MBNL1: variants seen among roughly 807,000 people sequenced by gnomAD.
MBNL1 encodes the protein muscleblind like splicing regulator 1.
Under a neutral mutation model 42.2 loss-of-function variants are expected in MBNL1, and 8 were observed. The observed-to-expected ratio is 0.19, with a 90% CI of 0.11 to 0.34. The LOEUF (loss-of-function observed/expected upper bound fraction) is 0.34, where lower values mean the gene tolerates loss of function less well. Among genes scored for constraint, MBNL1 ranks in the 10% least tolerant of loss-of-function variants. The pLI, the probability that MBNL1 is intolerant of heterozygous loss-of-function variation, is 1.00. For missense variants in MBNL1, 309 were observed against 495.3 expected, an observed-to-expected ratio of 0.62 and a Z score of 3.57; for synonymous variants, 169 against 173.9, an observed-to-expected ratio of 0.97 and a Z score of 0.22.
chr3:152,304,890 T>C (rs1351403297), intron 2 of MBNL1, among the ~76,000 whole-genome samples: 1 of 152,224 alleles, frequency 6.6e-6, no homozygotes, highest in African/African-American at 2.4e-5. Flanking sequence ...CTTTTTTTTA[T>C]GAGTAAAGGT....
At chr3:152,260,666 G>C (rs185246256) in intron 2 of MBNL1, among the ~76,000 whole-genome samples, 4 of 152,304 alleles carry the variant, frequency 2.6e-5, no homozygotes, top group Admixed American at 2.0e-4. Context: ...CTTAGCAAGA[G>C]ACAGGGTATA....
chr3:152,423,249 A>G (rs11925727), intron 3 of MBNL1, among the ~76,000 whole-genome samples: 52,846 of 152,062 alleles, frequency 0.35, 9,382 homozygotes, highest in Middle Eastern at 0.43. Flanking sequence ...CAAAGGGGAT[A>G]TCACCACTGA....
chr3:152,310,431 C>G (rs2065692652), intron 2 of MBNL1, among the ~76,000 whole-genome samples: 1 of 152,158 alleles, frequency 6.6e-6, no homozygotes, highest in South Asian at 2.1e-4. Flanking sequence ...TGCTTTTAGT[C>G]TTTATGCTAA....
intron 1 of MBNL1, among the ~76,000 whole-genome samples, chr3:152,290,697 A>T (rs1307646198): frequency 1.3e-5 from 2 of 152,178 alleles, no homozygotes; most frequent in East Asian, 3.8e-4. Flanking sequence ...TGTTCAGAAG[A>T]TATAGAGGTT....
At chr3:152,393,799 G>A (rs1192777165) in intron 2 of MBNL1, among the ~76,000 whole-genome samples, 1 of 152,060 alleles carries the variant, frequency 6.6e-6, no homozygotes, top group African/African-American at 2.4e-5. Flanking sequence ...CCTTTCCTGT[G>A]CGTGAGCTAT....
chr3:152,327,413 T>A (rs1184218715), intron 2 of MBNL1, among the ~76,000 whole-genome samples: 2 of 152,132 alleles, frequency 1.3e-5, no homozygotes, highest in African/African-American at 4.8e-5. Context: ...AGTGGCATGA[T>A]CTTGGCTCAC....
intron 3 of MBNL1, among the ~76,000 whole-genome samples, chr3:152,419,765 C>T (rs919542925): frequency 3.3e-5 from 5 of 152,048 alleles, no homozygotes; most frequent in African/African-American, 9.7e-5. Flanking sequence ...GAGACAGAAC[C>T]GTTCACTCCC....
intron 1 of MBNL1, chr3:152,269,302 C>T: frequency 2.8e-6 from 1 of 351,468 alleles, no homozygotes; most frequent in South Asian, 2.1e-5. Context: ...CGCTCCTGCG[C>T]CCTTCCCTGC....
intron 2 of MBNL1, among the ~76,000 whole-genome samples, chr3:152,363,236 T>C (rs796812525): frequency 1.8e-4 from 28 of 152,324 alleles, no homozygotes; most frequent in African/African-American, 6.5e-4. Flanking sequence ...CAAATGGTAT[T>C]ACTAGCATGT....
intron 2 of MBNL1, among the ~76,000 whole-genome samples, chr3:152,400,335 A>C (rs986822292): frequency 1.3e-5 from 2 of 152,236 alleles, no homozygotes; most frequent in African/African-American, 4.8e-5. Flanking sequence ...TGAAATTTTT[A>C]ACTTGAGCTT....
intron 2 of MBNL1, among the ~76,000 whole-genome samples, chr3:152,381,041 T>G (rs777448518): frequency 6.6e-5 from 10 of 152,058 alleles, no homozygotes; most frequent in Non-Finnish European, 1.0e-4. Flanking sequence ...ATTATCTTGT[T>G]TTTAGACAAA....
intron 2 of MBNL1, among the ~76,000 whole-genome samples, chr3:152,316,356 C>T (rs1348491691): frequency 6.6e-6 from 1 of 152,116 alleles, no homozygotes; most frequent in African/African-American, 2.4e-5. Flanking sequence ...GCTGCAAATA[C>T]CTATTAGACC....
intron 2 of MBNL1, among the ~76,000 whole-genome samples, chr3:152,347,542 TGAA>T (rs1040618684): frequency 5.6e-4 from 86 of 152,268 alleles, no homozygotes; most frequent in African/African-American, 2.0e-3. Flanking sequence ...CAGTTTACAC[TGAA>T]AGCTTTCAAT....
chr3:152,248,778 C>T (rs1428987380), intron 2 of MBNL1, among the ~76,000 whole-genome samples: 1 of 151,768 alleles, frequency 6.6e-6, no homozygotes, highest in African/African-American at 2.4e-5. Context: ...TTCCCCCACC[C>T]CACAACAGTC....
intron 2 of MBNL1, among the ~76,000 whole-genome samples, chr3:152,303,725 C>A (rs1226482061): frequency 6.6e-6 from 1 of 151,700 alleles, no homozygotes; most frequent in Non-Finnish European, 1.5e-5. Flanking sequence ...GTTATTTATA[C>A]CCTCAAAAAA....
intron 2 of MBNL1, among the ~76,000 whole-genome samples, chr3:152,335,700 T>C (rs1157375449): frequency 6.6e-6 from 1 of 152,148 alleles, no homozygotes; most frequent in Admixed American, 6.5e-5. Flanking sequence ...CACAAACATG[T>C]CAATAGTTTA....
upstream of MBNL1, chr3:152,263,373 T>C (rs1057339927): frequency 3.3e-5 from 5 of 152,230 alleles, no homozygotes; most frequent in African/African-American, 1.2e-4. Flanking sequence ...TTTTCTACAT[T>C]GTGTTGACTC....
intron 2 of MBNL1, among the ~76,000 whole-genome samples, chr3:152,403,084 C>T (rs887426180): frequency 6.6e-6 from 1 of 151,926 alleles, no homozygotes; most frequent in African/African-American, 2.4e-5. Flanking sequence ...TGCACCCGAG[C>T]AGAGTGTTTA....
rs1280033764 is a variant in MBNL1, at chr3:152,300,136, TG to T, written c.-51del. On this transcript the variant is annotated 5_prime_UTR_variant, in exon 2 of 10. Coordinates refer to ENST00000324210, the MANE Select transcript of MBNL1 (RefSeq NM_021038.5). The stretch of plus-strand genomic sequence containing the variant: ...TTTTTTTTTGGTTGTTGCTCTTTTT[TG>T]GGGGGGTTGGGTTTGTTGGTTTCAC... The T allele has an allele frequency of 2.5e-5, 29 of 1,179,946 alleles. No homozygotes were observed. The highest frequency in any genetic ancestry group is 2.2e-4 in the South Asian group (13 of 59,780). The allele number at this position is 1,179,946 out of a possible 1,614,324, so 73.1% of individuals were successfully genotyped here. A position where few individuals can be genotyped will look rare whatever the true frequency, so the allele number is the denominator to read the frequency against.
Sources: gnomAD v4.1 joint callset for allele counts (sites outside exome capture counted in the v4.1 genomes callset) on GRCh38, gnomAD v4.1.1 for gene constraint, MANE v1.5 for transcripts, NCBI Gene and HGNC (gene_info 2026-07-23, HGNC 2026-07-21) for gene names.